NREP: variants seen among roughly 807,000 people sequenced by gnomAD.
The protein encoded by NREP is neuronal regeneration related protein.
A neutral mutation model predicts 8.6 loss-of-function variants in NREP; 5 were observed. The observed-to-expected ratio is 0.58, with a 90% CI of 0.30 to 1.22. The LOEUF (loss-of-function observed/expected upper bound fraction) is 1.22. Ranked by LOEUF, NREP falls within the 50% of genes most tolerant of loss-of-function variation. NREP has a pLI of 0.07. For synonymous variants in NREP, 27 were observed against 28.0 expected (o/e 0.96, Z 0.11); for missense variants, 86 against 82.5 (o/e 1.04, Z -0.17).
At chr5:111,893,808 T>C (rs1313967698) in intron 2 of NREP, among the ~76,000 whole-genome samples, 2 of 151,912 alleles carry the variant, frequency 1.3e-5, no homozygotes, top group Non-Finnish European at 2.9e-5. Flanking sequence ...TTTTACCATC[T>C]TGTAACTGTA....
At chr5:111,930,911 A>G (rs376592769) in intron 2 of NREP, among the ~76,000 whole-genome samples, 3 of 152,114 alleles carry the variant, frequency 2.0e-5, no homozygotes, top group East Asian at 3.9e-4. Flanking sequence ...TGAAGACACA[A>G]TCCACTTGTC....
rs56027811 is a variant in NREP at position 111,888,342 on chromosome 5, C to T, written c.135+86932G>A. 6.7e-5 allele frequency among the ~76,000 whole-genome samples: 10 copies of T among 150,120 alleles called. 1 individual carries two copies. Among genetic ancestry groups the T allele is most frequent in the Middle Eastern group, 3.4e-3 (1 of 294 alleles). On this transcript the variant is annotated intron_variant, in intron 2 of 3. Transcript: ENST00000395634. ...CTCACAGTTCCCCATTGCTGGGTGG[C>T]GGGGGGGGTCTCAGGAAACTTACAA...
intron 2 of NREP, among the ~76,000 whole-genome samples, chr5:111,783,565 T>C (rs542623574): frequency 6.6e-6 from 1 of 152,188 alleles, no homozygotes; most frequent in South Asian, 2.1e-4. Context: ...TGATATCAAC[T>C]GTAGTTGTTT....
chr5:111,774,016 G>T (rs1261652638), intron 2 of NREP, among the ~76,000 whole-genome samples: 1 of 152,124 alleles, frequency 6.6e-6, no homozygotes, highest in East Asian at 1.9e-4. Flanking sequence ...TCTGATCTGA[G>T]AATTTATAAA....
chr5:111,736,098 G>C (rs1021314202), intron 2 of NREP, among the ~76,000 whole-genome samples: 2 of 152,046 alleles, frequency 1.3e-5, no homozygotes, highest in African/African-American at 4.8e-5. Flanking sequence ...GTGGTGGGAG[G>C]GGGTGGAGCG....
intron 2 of NREP, among the ~76,000 whole-genome samples, chr5:111,883,103 A>G (rs560477656): frequency 1.3e-5 from 2 of 152,368 alleles, no homozygotes; most frequent in South Asian, 4.1e-4. Flanking sequence ...AGAGACACAC[A>G]TAGGCTCCAA....
rs182097244 is a variant in NREP at position 111,922,178 on chromosome 5, G to T, written c.135+53096C>A. On this transcript the variant is annotated intron_variant, in intron 2 of 3. Coordinates refer to the NREP transcript ENST00000395634. ...TGGGAAGGAGAGTAGTCCAGGGGAG[G>T]TGAGTCTCTTGAGACAACTTTCTGA... Among the ~76,000 whole-genome samples the T allele has an allele frequency of 6.4e-3, 976 of 152,226 alleles. 6 individuals are homozygous for T. The highest frequency in any genetic ancestry group is 0.025 in the South Asian group (120 of 4,816).
At chr5:111,805,065 C>A (rs189340254) in intron 2 of NREP, among the ~76,000 whole-genome samples, 1 of 152,250 alleles carries the variant, frequency 6.6e-6, no homozygotes, top group Non-Finnish European at 1.5e-5. Context: ...ACACGAACAG[C>A]CATAAAGACG....
At chr5:111,866,095 G>A in intron 2 of NREP, among the ~76,000 whole-genome samples, 1 of 152,134 alleles carries the variant, frequency 6.6e-6, no homozygotes, top group Non-Finnish European at 1.5e-5. Context: ...GCATGGGCAA[G>A]GACTTCATGT....
rs556968324 is a variant in NREP, at chr5:111,918,590, G to A, written c.135+56684C>T. On this transcript the variant is annotated intron_variant, in intron 2 of 3. Transcript: ENST00000395634. Reference sequence around the variant, plus strand: ...CAACCATCTGATTTTTGACAAACCTGACAAAAACAGGCAATGGGGAAAGGA... The same window carrying A: ...CAACCATCTGATTTTTGACAAACCTAACAAAAACAGGCAATGGGGAAAGGA... 1.1e-4 allele frequency among the ~76,000 whole-genome samples: 17 copies of A among 152,202 alleles called. No homozygotes were observed. The South Asian group carries it at 1.2e-3, about 11-fold the overall frequency.
chr5:111,916,128 T>C (rs1561343751), intron 2 of NREP, among the ~76,000 whole-genome samples: 1 of 152,110 alleles, frequency 6.6e-6, no homozygotes, highest in Non-Finnish European at 1.5e-5. Context: ...AGCTGATTCA[T>C]ATCATATGAG....
At chr5:111,891,912 A>T (rs750710348) in intron 2 of NREP, among the ~76,000 whole-genome samples, 11 of 152,196 alleles carry the variant, frequency 7.2e-5, no homozygotes, top group Non-Finnish European at 1.5e-4. Context: ...ACATTTCAGC[A>T]TGAGATTCTG....
At chr5:111,973,902 C>T (rs1017193808) in intron 2 of NREP, among the ~76,000 whole-genome samples, 1 of 152,154 alleles carries the variant, frequency 6.6e-6, no homozygotes, top group Non-Finnish European at 1.5e-5. Flanking sequence ...GTTTTATCTA[C>T]CCCTAATTTG....
intron 2 of NREP, among the ~76,000 whole-genome samples, chr5:111,909,966 C>CTA (rs1754868998): frequency 6.6e-6 from 1 of 152,064 alleles, no homozygotes; most frequent in South Asian, 2.1e-4. Flanking sequence ...TGGGCCACAG[C>CTA]TATACTTGTG....
intron 2 of NREP, among the ~76,000 whole-genome samples, chr5:111,772,839 A>G (rs1232777306): frequency 6.6e-6 from 1 of 152,224 alleles, no homozygotes; most frequent in East Asian, 1.9e-4. Flanking sequence ...GGAGTTTAAT[A>G]TAAACGATGC....
intron 2 of NREP, among the ~76,000 whole-genome samples, chr5:111,862,028 AT>A (rs1753555043): frequency 6.6e-6 from 1 of 152,184 alleles, no homozygotes; most frequent in Non-Finnish European, 1.5e-5. Context: ...AATGAGTATA[AT>A]TTTGGGAATA....
At chr5:111,899,495 C>G (rs1429906810) in intron 2 of NREP, among the ~76,000 whole-genome samples, 1 of 151,930 alleles carries the variant, frequency 6.6e-6, no homozygotes, top group Non-Finnish European at 1.5e-5. Flanking sequence ...GCCTGGGCAA[C>G]AGCATGAGAC....
chr5:111,953,789 G>A (rs1473658608), intron 2 of NREP, among the ~76,000 whole-genome samples: 2 of 152,060 alleles, frequency 1.3e-5, no homozygotes, highest in South Asian at 2.1e-4. Flanking sequence ...AACAGTGAAA[G>A]GGGAGAAGAA....
chr5:111,738,627 CAG>C (rs10572147), intron 2 of NREP: 90,317 of 151,940 alleles, frequency 0.59, 29,931 homozygotes, highest in Non-Finnish European at 0.73. Context: ...GCAAGAGAAA[CAG>C]AGTTTCTGCC....
Sources: gnomAD v4.1 joint callset for allele counts (sites outside exome capture counted in the v4.1 genomes callset) on GRCh38, gnomAD v4.1.1 for gene constraint, MANE v1.5 for transcripts, NCBI Gene and HGNC (gene_info 2026-07-23, HGNC 2026-07-21) for gene names.